Variants in DPF3 observed in about 807,000 individuals in gnomAD.
DPF3 encodes the protein zinc finger protein DPF3.
Under a neutral mutation model 56.8 loss-of-function variants are expected in DPF3, and 18 were observed. That is an observed-to-expected ratio of 0.32 (90% CI 0.22 to 0.47). DPF3 has a LOEUF of 0.47. DPF3 is among the 20% of genes least tolerant of loss of function. The pLI, the probability that DPF3 is intolerant of heterozygous loss-of-function variation, is 1.00. For synonymous variants in DPF3, 188 were observed against 180.2 expected, an observed-to-expected ratio of 1.04 and a Z score of -0.35; for missense variants, 403 against 488.8, an observed-to-expected ratio of 0.82 and a Z score of 1.65.
rs58405648 is a variant in DPF3 at position 72,863,058 on chromosome 14, T to TTATATA, written c.32+30993_32+30998dup. On this transcript the variant is annotated intron_variant, in intron 1 of 10. Transcript: ENST00000556509. ...TCTCCTTCCAGATATATTATTCCAT[T>TTATATA]TATATATATATATATATATATATAT... Among the ~76,000 whole-genome samples, 1,008 of 138,760 alleles carry TTATATA rather than the reference T, an allele frequency of 7.3e-3. 3 individuals carry two copies. Among genetic ancestry groups the TTATATA allele is most frequent in the Non-Finnish European group, 9.9e-3 (641 of 64,716 alleles). 91.0% of individuals were successfully genotyped at this position (138,760 alleles called of 152,430 possible).
chr14:72,692,581 C>G (rs1322615220), intron 7 of DPF3, among the ~76,000 whole-genome samples: 1 of 152,226 alleles, frequency 6.6e-6, no homozygotes, highest in Non-Finnish European at 1.5e-5. Context: ...GGCAGCATTT[C>G]TAAGGCAGGA....
At chr14:72,868,370 C>T (rs926308239) in intron 1 of DPF3, among the ~76,000 whole-genome samples, 1 of 152,214 alleles carries the variant, frequency 6.6e-6, no homozygotes, top group Admixed American at 6.5e-5. Context: ...GCCTCAAAAG[C>T]ACTTGTTCCG....
At chr14:72,790,866 T>A (rs889565999) in intron 1 of DPF3, among the ~76,000 whole-genome samples, 5 of 152,144 alleles carry the variant, frequency 3.3e-5, no homozygotes, top group African/African-American at 1.2e-4. Flanking sequence ...CCTCCATTGG[T>A]CCCTCCAGAT....
chr14:72,647,892 C>T lies in DPF3; in HGVS notation c.872-18156G>A, dbSNP rs150998786. 3.8e-3 allele frequency among the ~76,000 whole-genome samples: 581 copies of T among 152,312 alleles called. 7 individuals carry two copies. Among genetic ancestry groups the T allele is most frequent in the African/African-American group, 0.013 (552 of 41,566 alleles). On this transcript the variant is annotated intron_variant, in intron 8 of 10. Coordinates refer to ENST00000556509, the MANE Select transcript of DPF3 (RefSeq NM_001280542.3). ...GCAGACACCATCAATTCTTTAATCT[C>T]GCCAGGAGCTCCAGTCCACGGACAG...
At position 72,884,953 on chromosome 14, in the gene DPF3, T is replaced by TATATATATATATAC. The variant is rs1555516752; in HGVS notation, c.32+9103_32+9104insGTATATATATATAT. Among the ~76,000 whole-genome samples the TATATATATATATAC allele has an allele frequency of 3.5e-3, 256 of 73,776 alleles. 54 individuals carry two copies. The East Asian group carries it at 0.077, about 22-fold the overall frequency. 48.4% of individuals were successfully genotyped at this position (73,776 alleles called of 152,430 possible). A position where few individuals can be genotyped will look rare whatever the true frequency, so the allele number is the denominator to read the frequency against. On this transcript the variant is annotated intron_variant, in intron 1 of 10. Transcript: ENST00000556509. ...CTACTAAAAATACTATATATATATA[T>TATATATATATATAC]ATATATATATATATATATTAGCCGG...
intron 1 of DPF3, among the ~76,000 whole-genome samples, chr14:72,817,632 T>G (rs1256412855): frequency 6.6e-6 from 1 of 152,052 alleles, no homozygotes; most frequent in Non-Finnish European, 1.5e-5. Context: ...GAGCCAAGAT[T>G]GCACCATTGC....
At chr14:72,683,537 T>C (rs1346621213) in intron 7 of DPF3, among the ~76,000 whole-genome samples, 2 of 152,098 alleles carry the variant, frequency 1.3e-5, no homozygotes, top group African/African-American at 4.8e-5. Flanking sequence ...ATGAGATAGA[T>C]GCCATTAATG....
chr14:72,839,778 G>A (rs1458903655), intron 1 of DPF3, among the ~76,000 whole-genome samples: 1 of 151,978 alleles, frequency 6.6e-6, no homozygotes, highest in Non-Finnish European at 1.5e-5. Context: ...CTCACTCAGT[G>A]GTGGCTGAGT....
At chr14:72,791,841 C>T (rs901995235) in intron 1 of DPF3, among the ~76,000 whole-genome samples, 4 of 152,218 alleles carry the variant, frequency 2.6e-5, no homozygotes, top group Non-Finnish European at 5.9e-5. Flanking sequence ...TAATTCCCCA[C>T]CAGTACATGC....
chr14:72,651,225 C>T (rs1245287318), intron 8 of DPF3, among the ~76,000 whole-genome samples: 4 of 152,222 alleles, frequency 2.6e-5, no homozygotes, highest in African/African-American at 9.7e-5. Flanking sequence ...GGTCTGGAAT[C>T]TTGGCATCGT....
intron 8 of DPF3, among the ~76,000 whole-genome samples, chr14:72,642,676 T>C (rs1165411563): frequency 6.6e-6 from 1 of 152,066 alleles, no homozygotes; most frequent in East Asian, 1.9e-4. Context: ...CCTGCCGTCT[T>C]CCCCTCAGGC....
At chr14:72,798,422 A>T (rs1259066092) in intron 1 of DPF3, among the ~76,000 whole-genome samples, 1 of 152,060 alleles carries the variant, frequency 6.6e-6, no homozygotes, top group African/African-American at 2.4e-5. Flanking sequence ...TATTTTCAAC[A>T]TACATACATA....
At chr14:72,648,073 TATACCAAGC>T (rs1885778349) in intron 8 of DPF3, among the ~76,000 whole-genome samples, 1 of 152,224 alleles carries the variant, frequency 6.6e-6, no homozygotes, top group African/African-American at 2.4e-5. Context: ...ACTCTTGGCC[TATACCAAGC>T]ACAGAAAAAT....
At chr14:72,867,943 G>A (rs1599509890) in intron 1 of DPF3, among the ~76,000 whole-genome samples, 2 of 151,870 alleles carry the variant, frequency 1.3e-5, no homozygotes, top group Non-Finnish European at 2.9e-5. Context: ...ATTTCACCAT[G>A]TTGCCCAGGC....
intron 7 of DPF3, among the ~76,000 whole-genome samples, chr14:72,681,003 T>A (rs1430744619): frequency 6.6e-6 from 1 of 152,214 alleles, no homozygotes; most frequent in African/African-American, 2.4e-5. Flanking sequence ...CTCATGTAAA[T>A]GCCTCTTTGC....
At chr14:72,694,428 C>T (rs1887826310) in intron 6 of DPF3, among the ~76,000 whole-genome samples, 2 of 152,234 alleles carry the variant, frequency 1.3e-5, no homozygotes, top group Non-Finnish European at 1.5e-5. Context: ...GGGAAGAGCA[C>T]AACTTTAGCA....
At chr14:72,663,162 T>C (rs1375674028) in intron 8 of DPF3, among the ~76,000 whole-genome samples, 1 of 46,964 alleles carries the variant, frequency 2.1e-5, no homozygotes, top group Non-Finnish European at 3.7e-5. Flanking sequence ...GAACTGGGTG[T>C]TAGCAAAAAA....
chr14:72,768,933 C>CTG (rs10543093), intron 2 of DPF3, among the ~76,000 whole-genome samples: 9,650 of 146,410 alleles, frequency 0.066, 366 homozygotes, highest in Middle Eastern at 0.14. Context: ...GTGTGAGTGT[C>CTG]TGTGTGTGTG....
intron 1 of DPF3, among the ~76,000 whole-genome samples, chr14:72,813,526 C>T (rs980753224): frequency 2.0e-5 from 3 of 152,220 alleles, no homozygotes; most frequent in Non-Finnish European, 2.9e-5. Flanking sequence ...AACAAACCCA[C>T]TCACAAATAT....
Sources: gnomAD v4.1 joint callset for allele counts (sites outside exome capture counted in the v4.1 genomes callset) on GRCh38, gnomAD v4.1.1 for gene constraint, MANE v1.5 for transcripts, NCBI Gene and HGNC (gene_info 2026-07-23, HGNC 2026-07-21) for gene names.